RASGEF1C: variants seen among roughly 807,000 people sequenced by gnomAD.
RASGEF1C encodes RasGEF domain family member 1C.
RASGEF1C carries 27 observed loss-of-function variants against 58.1 expected under a neutral mutation model. The observed-to-expected ratio is 0.46, with a 90% CI of 0.34 to 0.64. The LOEUF (loss-of-function observed/expected upper bound fraction) is 0.64, where lower values mean the gene tolerates loss of function less well. Among genes scored for constraint, RASGEF1C ranks in the 30% least tolerant of loss-of-function variants. The pLI is 0.01. For missense variants in RASGEF1C, 502 were observed against 605.1 expected, an observed-to-expected ratio of 0.83 and a Z score of 1.79; for synonymous variants, 243 against 246.3, an observed-to-expected ratio of 0.99 and a Z score of 0.13.
intron 12 of RASGEF1C, among the ~76,000 whole-genome samples, chr5:180,107,815 G>T (rs1193741243): frequency 6.6e-6 from 1 of 152,116 alleles, no homozygotes. Flanking sequence ...CGCCATGTTG[G>T]TCAGGCTGGT....
chr5:180,109,295 A>G (rs1409049974), intron 12 of RASGEF1C, among the ~76,000 whole-genome samples: 1 of 152,078 alleles, frequency 6.6e-6, no homozygotes, highest in Non-Finnish European at 1.5e-5. Context: ...TCTCTACTAA[A>G]AATACAAAAA....
At chr5:180,121,180 T>G (rs1211686218) in intron 6 of RASGEF1C, 31 bp from the exon 7 acceptor site, 1 of 1,478,288 alleles carries the variant, frequency 6.8e-7, no homozygotes, top group African/African-American at 1.4e-5. Flanking sequence ...GGGACCACGT[T>G]CTGAGCCTTT....
chr5:180,161,014 AAGAG>A (rs2113300738), intron 1 of RASGEF1C, among the ~76,000 whole-genome samples: 1 of 152,318 alleles, frequency 6.6e-6, no homozygotes, highest in African/African-American at 2.4e-5. Context: ...TGTGGGTGCA[AAGAG>A]AGGCCGGGAA....
intron 4 of RASGEF1C, among the ~76,000 whole-genome samples, chr5:180,134,845 C>CTCTCACCT (rs1561739112): frequency 5.5e-5 from 8 of 145,492 alleles, no homozygotes; most frequent in East Asian, 4.0e-4. Flanking sequence ...AGCATTCACC[C>CTCTCACCT]ATCCACCCAC....
chr5:180,128,571 G>A lies in RASGEF1C; in HGVS notation c.478C>T (p.His160Tyr). The stretch of plus-strand genomic sequence containing the variant: ...TGGCGCAGAGCCGCCAGCTTCTGGT[G>A]CAGAGCCTGTAGGAGCTGATGCATC... The part of the protein sequence containing the change: ...KRMHQLLQAL[H>Y]QKLAALRQGP... The change falls in exon 5 of 14, where the codon CAC (histidine) becomes TAC (tyrosine). Residue 160 changes from histidine to tyrosine, a missense_variant. By Grantham distance (83) the His-to-Tyr change is moderately conservative (BLOSUM62 2). Transcript: ENST00000361132. The A allele has an allele frequency of 6.2e-7, 1 of 1,614,100 alleles. No homozygotes were observed. The highest frequency in any genetic ancestry group is 8.5e-7 in the Non-Finnish European group (1 of 1,180,018).
chr5:180,150,989 C>G (rs535541956), intron 1 of RASGEF1C, among the ~76,000 whole-genome samples: 1 of 150,838 alleles, frequency 6.6e-6, no homozygotes, highest in South Asian at 2.1e-4. Context: ...GAATAAAATA[C>G]CTAGGAATCC....
chr5:180,116,183 C>G (rs985836312), intron 10 of RASGEF1C, among the ~76,000 whole-genome samples: 2 of 152,178 alleles, frequency 1.3e-5, no homozygotes, highest in Non-Finnish European at 2.9e-5. Flanking sequence ...TCCCTGCCCT[C>G]GCAGCAGCCA....
In RASGEF1C at chr5:180,191,397, C is replaced by T. The variant is rs190490358; in HGVS notation, c.-7+17631G>A. The stretch of plus-strand genomic sequence containing the variant: ...TTTGAGACGGAGTCTAGCTCTGTCG[C>T]CCAGGCTGGAGTGCAGTGGCGCGAT... On this transcript the variant is annotated intron_variant, in intron 1 of 13. Transcript: ENST00000361132. Among the ~76,000 whole-genome samples, 328 of 152,200 alleles carry T rather than the reference C, an allele frequency of 2.2e-3. 4 individuals are homozygous for T. Among genetic ancestry groups the T allele is most frequent in the African/African-American group, 7.5e-3 (312 of 41,544 alleles).
intron 1 of RASGEF1C, among the ~76,000 whole-genome samples, chr5:180,150,417 A>T (rs1766727448): frequency 6.6e-6 from 1 of 152,122 alleles, no homozygotes; most frequent in Non-Finnish European, 1.5e-5. Context: ...CAAATGATCC[A>T]TGTTTTCCTG....
intron 5 of RASGEF1C, among the ~76,000 whole-genome samples, chr5:180,128,076 C>G (rs891709153): frequency 3.9e-5 from 6 of 152,216 alleles, no homozygotes; most frequent in African/African-American, 1.4e-4. Context: ...AGTCGCTTCA[C>G]CTTTCTGGGC....
In RASGEF1C at chr5:180,143,278, C is replaced by T. The variant is rs911834341; in HGVS notation, c.-6-5220G>A. On this transcript the variant is annotated intron_variant, in intron 1 of 13. Transcript: ENST00000361132. The surrounding 1 kb of genome is among the most constrained non-coding windows in gnomAD (Gnocchi z 4.3). ...TGACAGGCTCAGGGCCCACCCTGCTCCAGGCCGCTGGCGCTGGCAAAGTTT... is the reference window on the plus strand; with the variant it reads ...TGACAGGCTCAGGGCCCACCCTGCTTCAGGCCGCTGGCGCTGGCAAAGTTT... Among the ~76,000 whole-genome samples, 1 of 152,214 alleles carries T rather than the reference C, an allele frequency of 6.6e-6. No homozygotes were observed. Among genetic ancestry groups the T allele is most frequent in the Non-Finnish European group, 1.5e-5 (1 of 68,034 alleles).
Position 180,143,053 on chromosome 5 carries a change from TTGTG to T in RASGEF1C, c.-6-4999_-6-4996del. On this transcript the variant is annotated intron_variant, in intron 1 of 13. Transcript: ENST00000361132. This position sits in a 1 kb window ranked among gnomAD's most constrained non-coding sequence, Gnocchi z 4.3. ...CCCCCAGCCCCTCAGGCATCTCTCC[TTGTG>T]TGTGTCTCCAGGCCCTGCACCTGGA... 6.6e-6 allele frequency among the ~76,000 whole-genome samples: 1 copy of T among 152,034 alleles called. No homozygotes were observed. The highest frequency in any genetic ancestry group is 2.4e-5 in the African/African-American group (1 of 41,478).
intron 1 of RASGEF1C, among the ~76,000 whole-genome samples, chr5:180,152,611 T>C (rs1488625987): frequency 3.8e-4 from 56 of 146,824 alleles, no homozygotes; most frequent in African/African-American, 1.1e-3. Flanking sequence ...ATACCTAACG[T>C]TAAATGACGA....
chr5:180,163,602 C>T (rs994638204), intron 1 of RASGEF1C, among the ~76,000 whole-genome samples: 13 of 152,104 alleles, frequency 8.5e-5, no homozygotes, highest in African/African-American at 3.1e-4. Context: ...ACCAGTCTTG[C>T]ATCCCCAGGA....
intron 11 of RASGEF1C, among the ~76,000 whole-genome samples, chr5:180,112,732 G>A (rs983231843): frequency 6.6e-6 from 1 of 152,350 alleles, no homozygotes; most frequent in South Asian, 2.1e-4. Context: ...CAGCTACGCC[G>A]AGACACGTGT....
At chr5:180,151,262 C>T (rs1581108968) in intron 1 of RASGEF1C, among the ~76,000 whole-genome samples, 3 of 152,306 alleles carry the variant, frequency 2.0e-5, no homozygotes, top group East Asian at 3.9e-4. Context: ...ATTGCCAAGT[C>T]AATGCTAAGC....
At chr5:180,165,083 C>G (rs2113304195) in intron 1 of RASGEF1C, among the ~76,000 whole-genome samples, 1 of 152,218 alleles carries the variant, frequency 6.6e-6, no homozygotes, top group African/African-American at 2.4e-5. Flanking sequence ...TATAGCCACT[C>G]TGGGTTTCTT....
chr5:180,138,161 C>A, intron 1 of RASGEF1C, 103 bp from the exon 2 acceptor site: 1 of 642,914 alleles, frequency 1.6e-6, no homozygotes, highest in East Asian at 3.2e-5. Flanking sequence ...GGGCAGGCTC[C>A]CCCCACAGCC....
At chr5:180,134,374 C>A (rs537994314) in intron 4 of RASGEF1C, among the ~76,000 whole-genome samples, 1 of 152,118 alleles carries the variant, frequency 6.6e-6, no homozygotes, top group African/African-American at 2.4e-5. Flanking sequence ...CCGAGGGGAA[C>A]CAGGCCAGGG....
Sources: gnomAD v4.1 joint callset for allele counts (sites outside exome capture counted in the v4.1 genomes callset) on GRCh38, gnomAD v4.1.1 for gene constraint, Gnocchi (gnomAD v3.1) non-coding constraint, MANE v1.5 for transcripts, NCBI Gene and HGNC (gene_info 2026-07-23, HGNC 2026-07-21) for gene names.